PDE2A: variants seen among roughly 807,000 people sequenced by gnomAD.
PDE2A encodes phosphodiesterase 2A, also known as cGMP-dependent 3',5'-cyclic phosphodiesterase.
In PDE2A, 53 loss-of-function variants were observed where a neutral mutation model predicts 133.6. The ratio of observed to expected loss-of-function variants is 0.40; its 90% CI spans 0.32 to 0.50. The LOEUF is 0.50. Among genes scored for constraint, PDE2A ranks in the 20% least tolerant of loss-of-function variants. The probability of loss-of-function intolerance (pLI) is 0.73; values close to 1 mark genes in which losing one functional copy is unlikely to be tolerated. For missense variants in PDE2A, 796 were observed against 1,232.4 expected (o/e 0.65, Z 5.30); for synonymous variants, 491 against 490.2 (o/e 1.00, Z -0.02).
At chr11:72,617,115 C>T (rs1565173334) in intron 2 of PDE2A, among the ~76,000 whole-genome samples, 2 of 152,358 alleles carry the variant, frequency 1.3e-5, no homozygotes, top group South Asian at 2.1e-4. Flanking sequence ...TAATACCTGC[C>T]TTGGCCAGGG....
rs1054253853 is a variant in PDE2A, at chr11:72,674,285, G to A, written c.-78C>T. ...CCCCGCTGCCTGGAGTTCAGGGCAG[G>A]GCACCCCCAGCAGGCACAGGGACCA... is the stretch of plus-strand genomic sequence containing the variant. On this transcript the variant is annotated 5_prime_UTR_variant, in exon 1 of 31. Coordinates refer to ENST00000334456, the MANE Select transcript of PDE2A (RefSeq NM_002599.5). 5 of 1,439,454 alleles carry A rather than the reference G, an allele frequency of 3.5e-6. No individual in the cohort carries two copies. In the African/African-American group the frequency reaches 5.6e-5, roughly 16 times the overall value. 89.2% of individuals were successfully genotyped at this position (1,439,454 alleles called of 1,614,324 possible).
chr11:72,584,056 G>A (rs1449150937), intron 19 of PDE2A, 145 bp downstream of exon 19: 1 of 613,598 alleles, frequency 1.6e-6, no homozygotes, highest in African/African-American at 1.8e-5. Context: ...AGCGTGTCCT[G>A]AAGGCTGCAC....
intron 1 of PDE2A, chr11:72,657,788 T>C (rs1854938616): frequency 4.4e-6 from 2 of 454,148 alleles, no homozygotes. Context: ...TGCCCTTCCC[T>C]CAGCCTCCCA....
Position 72,668,213 on chromosome 11 carries a change from A to G in PDE2A, c.71+5924T>C, listed in dbSNP as rs1489027032. 2.2e-5 allele frequency: 16 copies of G among 715,854 alleles called. No homozygotes were observed. The East Asian group carries it at 3.2e-4, about 14-fold the overall frequency. The allele number at this position is 715,854 out of a possible 1,614,324, so 44.3% of individuals were successfully genotyped here. On this transcript the variant is annotated intron_variant, in intron 1 of 30. Coordinates refer to ENST00000334456, the MANE Select transcript of PDE2A (RefSeq NM_002599.5). ...GTTGTCCACATCTTGCCTGTCTGCC[A>G]TCTGGAACAGTAATGTATGGAAAGA...
At position 72,578,927 on chromosome 11, in the gene PDE2A, G is replaced by A. The variant is rs746193909; in HGVS notation, c.2439C>T (p.Thr813=). 8 of 1,612,968 alleles carry A rather than the reference G, an allele frequency of 5.0e-6. No individual in the cohort carries two copies. In the South Asian group the frequency reaches 8.8e-5, roughly 18 times the overall value. Residue 813 remains threonine (T), a synonymous_variant, in exon 28 of 31, where the codon ACC becomes ACT. Transcript: ENST00000334456. The surrounding 1 kb of genome is among the most constrained non-coding windows in gnomAD (Gnocchi z 4.2). ...TCTTTCTCGTAGTCTTCCAGCCCTT[G>A]GTCTGGTCAGAGAGGTCACAGGAGG... is the stretch of plus-strand genomic sequence containing the variant. ...LMTSCDLSDQ[T]KGWKTTRKIA...
intron 1 of PDE2A, among the ~76,000 whole-genome samples, chr11:72,644,930 T>C (rs1445580979): frequency 6.6e-6 from 1 of 152,156 alleles, no homozygotes; most frequent in Admixed American, 6.5e-5. Flanking sequence ...CTAATTTTTA[T>C]ATTTTTAGTA....
intron 2 of PDE2A, chr11:72,614,955 C>T: frequency 3.0e-6 from 1 of 336,370 alleles, no homozygotes; most frequent in South Asian, 2.2e-5. Flanking sequence ...GAGACCTTTC[C>T]TCCTCCCTCT....
intron 13 of PDE2A, among the ~76,000 whole-genome samples, chr11:72,587,186 T>C (rs543871488): frequency 6.6e-6 from 1 of 152,308 alleles, no homozygotes; most frequent in African/African-American, 2.4e-5. Context: ...AATGGGGCCA[T>C]GACTATATCA....
rs575644453 is a variant in PDE2A, at chr11:72,615,301, G to A, written c.145-6550C>T. Among the ~76,000 whole-genome samples the A allele has an allele frequency of 6.6e-5, 10 of 152,292 alleles. No individual in the cohort carries two copies. The South Asian group carries it at 8.3e-4, about 13-fold the overall frequency. ...CCTGCCTCCTCCAAAATGACCTCCCGGTTGTCCCCCGCACCCTTGGATCCA... is the reference window on the plus strand; with the variant it reads ...CCTGCCTCCTCCAAAATGACCTCCCAGTTGTCCCCCGCACCCTTGGATCCA... On this transcript the variant is annotated intron_variant, in intron 2 of 30. Coordinates refer to ENST00000334456, the MANE Select transcript of PDE2A (RefSeq NM_002599.5).
intron 5 of PDE2A, 56 bp from the exon 6 acceptor site, chr11:72,596,704 C>A: frequency 8.3e-7 from 1 of 1,197,850 alleles, no homozygotes; most frequent in Non-Finnish European, 1.1e-6. Flanking sequence ...CTCAGAGATA[C>A]CGAGCCGGGA....
At chr11:72,653,585 T>G (rs1391888) in intron 1 of PDE2A, among the ~76,000 whole-genome samples, 64,539 of 151,758 alleles carry the variant, frequency 0.43, 15,080 homozygotes, top group Middle Eastern at 0.66. Flanking sequence ...CAGGAGGCAA[T>G]ATAGAGATAG....
At chr11:72,662,064 G>A (rs966775148) in intron 1 of PDE2A, among the ~76,000 whole-genome samples, 3 of 152,254 alleles carry the variant, frequency 2.0e-5, no homozygotes, top group South Asian at 2.1e-4. Flanking sequence ...AAGTCCCTAT[G>A]CCTAGATTGT....
intron 1 of PDE2A, among the ~76,000 whole-genome samples, chr11:72,665,539 CTG>C (rs1341202384): frequency 3.3e-5 from 5 of 152,192 alleles, no homozygotes; most frequent in Non-Finnish European, 7.3e-5. Context: ...CAGGAGCACT[CTG>C]TGGACTCAAT....
At position 72,607,387 on chromosome 11, in the gene PDE2A, C is replaced by A. The variant is rs1005004459; in HGVS notation, c.234+1275G>T. On this transcript the variant is annotated intron_variant, in intron 3 of 30. Coordinates refer to ENST00000334456, the MANE Select transcript of PDE2A (RefSeq NM_002599.5). Reference sequence around the variant, plus strand: ...GGGCAGCCCTACAGAAACCGACCTGCCAGTTTCCACCACCCTCCCTTTCCA... The same window carrying A: ...GGGCAGCCCTACAGAAACCGACCTGACAGTTTCCACCACCCTCCCTTTCCA... 4.7e-4 allele frequency among the ~76,000 whole-genome samples: 72 copies of A among 152,296 alleles called. 1 individual carries two copies. The Middle Eastern group carries it at 0.01, about 22-fold the overall frequency.
At chr11:72,663,324 CCT>C (rs1482480949) in intron 1 of PDE2A, among the ~76,000 whole-genome samples, 1 of 152,168 alleles carries the variant, frequency 6.6e-6, no homozygotes, top group Non-Finnish European at 1.5e-5. Flanking sequence ...TTCAGCAGCC[CCT>C]GTGCTGCCCA....
rs754622954 is a variant in PDE2A, at chr11:72,584,213, G to A, written c.1638C>T (p.Ile546=). 4.4e-6 allele frequency: 7 copies of A among 1,591,330 alleles called. No individual in the cohort carries two copies. Among genetic ancestry groups the A allele is most frequent in the African/African-American group, 2.7e-5 (2 of 74,078 alleles). Residue 546 remains isoleucine (I), a synonymous_variant, in exon 19 of 31, where the codon ATC becomes ATT. Coordinates refer to ENST00000334456, the MANE Select transcript of PDE2A (RefSeq NM_002599.5). The part of the protein sequence containing the change: ...LATAFSIYCG[I]SIAHSLLYKK... Reference sequence around the variant, plus strand: ...ACCCCGCCCTCACATGGGCGATGCTGATGCCGCAGTAGATGGAGAAGGCCG... The same window carrying A: ...ACCCCGCCCTCACATGGGCGATGCTAATGCCGCAGTAGATGGAGAAGGCCG...
intron 27 of PDE2A, 47 bp downstream of exon 27, chr11:72,579,237 C>G (rs1445235086): frequency 4.9e-6 from 7 of 1,418,944 alleles, no homozygotes; most frequent in Middle Eastern, 1.7e-4. Flanking sequence ...AATCCTTCCC[C>G]TGGTTGTTCC....
chr11:72,591,404 G>A (rs1565156282), intron 6 of PDE2A, 48 bp from the exon 7 acceptor site: 1 of 1,488,412 alleles, frequency 6.7e-7, no homozygotes, highest in Admixed American at 1.7e-5. Flanking sequence ...CTCAGTGTCT[G>A]TCTCTGCCAG....
Position 72,584,957 on chromosome 11 carries a change from G to A in PDE2A, c.1287-13C>T, listed in dbSNP as rs753824374. ...GAACACAGAGCAGCTGTGGAGGGAG[G>A]GGTTTGGTCCTCTGGGGCCTGACAA... is the stretch of plus-strand genomic sequence containing the variant. On this transcript the variant is annotated splice_polypyrimidine_tract_variant and intron_variant, in intron 16 of 30. Transcript: ENST00000334456. 1.2e-6 allele frequency: 2 copies of A among 1,613,952 alleles called. No individual in the cohort carries two copies. The highest frequency in any genetic ancestry group is 2.2e-5 in the East Asian group (1 of 44,876).
Sources: allele counts gnomAD v4.1 joint callset (sites outside exome capture counted in the v4.1 genomes callset), GRCh38; gene constraint gnomAD v4.1.1; non-coding constraint Gnocchi (gnomAD v3.1); transcripts MANE v1.5; gene names NCBI Gene and HGNC (gene_info 2026-07-23, HGNC 2026-07-21).